SLC66A2: variants seen among roughly 807,000 people sequenced by gnomAD.
SLC66A2 encodes PQ loop repeat containing 1.
A neutral mutation model predicts 25.5 loss-of-function variants in SLC66A2; 23 were observed. The observed-to-expected ratio is 0.90, with a 90% CI of 0.65 to 1.28. The LOEUF (loss-of-function observed/expected upper bound fraction) is 1.28. Among genes scored for constraint, SLC66A2 ranks in the 50% most tolerant of loss-of-function variants. The pLI is 0.00. For missense variants in SLC66A2, 396 were observed against 373.1 expected (o/e 1.06, Z -0.51); for synonymous variants, 193 against 166.5 (o/e 1.16, Z -1.23).
rs531720098 is a variant in SLC66A2 at position 79,927,783 on chromosome 18, G to A, written c.391+6186C>T. Among the ~76,000 whole-genome samples, 4 of 152,154 alleles carry A rather than the reference G, an allele frequency of 2.6e-5. No homozygotes were observed. The highest frequency in any genetic ancestry group is 1.3e-4 in the Admixed American group (2 of 15,288). The stretch of plus-strand genomic sequence containing the variant: ...CCGGGAAACAAACACCCTCCCACTC[G>A]GCAAGGACAAATCAAGCAACTGCCG... On this transcript the variant is annotated intron_variant, in intron 4 of 5. Coordinates refer to ENST00000397778, the MANE Select transcript of SLC66A2 (RefSeq NM_025078.5). The surrounding 1 kb of genome is among the most constrained non-coding windows in gnomAD (Gnocchi z 6.2).
chr18:79,929,987 G>A (rs1488984593), intron 4 of SLC66A2, among the ~76,000 whole-genome samples: 3 of 152,114 alleles, frequency 2.0e-5, no homozygotes, highest in Non-Finnish European at 4.4e-5. Flanking sequence ...ACCGGCACAT[G>A]CAGAATGGGT....
intron 2 of SLC66A2, chr18:79,944,276 G>C (rs900508853): frequency 6.6e-6 from 1 of 152,642 alleles, no homozygotes; most frequent in African/African-American, 2.4e-5. Context: ...TGGGGAAGGC[G>C]GGGATAGTGT....
chr18:79,951,367 A>G (rs1445786006), intron 1 of SLC66A2, among the ~76,000 whole-genome samples: 1 of 86,924 alleles, frequency 1.2e-5, no homozygotes, highest in Non-Finnish European at 2.3e-5. Context: ...TGTTCGGGGG[A>G]GGGTCACAGG....
chr18:79,923,483 C>T (rs1306200574), intron 4 of SLC66A2, among the ~76,000 whole-genome samples: 1 of 152,046 alleles, frequency 6.6e-6, no homozygotes, highest in Non-Finnish European at 1.5e-5. Context: ...TTTTAGTTTC[C>T]CCAGGAAGGA....
chr18:79,943,415 A>G lies in SLC66A2; in HGVS notation c.251T>C (p.Met84Thr). 1.9e-6 allele frequency: 3 copies of G among 1,614,214 alleles called. No homozygotes were observed. The highest frequency in any genetic ancestry group is 2.5e-6 in the Non-Finnish European group (3 of 1,180,024). ...CAGCATCAGCAGCATGGTCAGGATC[A>G]TGATGGCGCTCTGCCACAGCAGCGG... ...ESPLLWQSAI[M>T]ILTMLLMLKL... Residue 84 changes from methionine (M) to threonine (T), a missense_variant, in exon 3 of 6, where the codon ATG becomes ACG. Met to Thr is a moderately conservative substitution (Grantham distance 81). Transcript: ENST00000397778.
At chr18:79,949,904 T>C in intron 2 of SLC66A2, 1 of 152,262 alleles carries the variant, frequency 6.6e-6, no homozygotes, top group Non-Finnish European at 1.5e-5. Flanking sequence ...CTGTGAGACC[T>C]CATTTCCTCT....
rs774648165 is a variant in SLC66A2, at chr18:79,919,299, T to C, written c.493A>G (p.Ile165Val). Residue 165 changes from isoleucine (I) to valine (V), a missense_variant, in exon 5 of 6, where the codon ATT (isoleucine) becomes GTT (valine). Transcript: ENST00000397778. ...GVAGYITYLSIDSALFVETLG... is the reference protein window; with the variant it reads ...GVAGYITYLSVDSALFVETLG... ...GTCTCCACAAACAGGGCGGAGTCAA[T>C]GGACAGGTAGGTGATGTAGCCCGCC... is the stretch of plus-strand genomic sequence containing the variant. 8.1e-6 allele frequency: 13 copies of C among 1,613,226 alleles called. No individual in the cohort carries two copies. The East Asian group carries it at 2.2e-4, about 28-fold the overall frequency.
chr18:79,936,185 CA>C (rs1157372385), intron 3 of SLC66A2, among the ~76,000 whole-genome samples: 1 of 152,152 alleles, frequency 6.6e-6, no homozygotes. Flanking sequence ...ATGGGGAGTG[CA>C]GGGGTGATAG....
At chr18:79,939,258 T>C (rs181065354) in intron 3 of SLC66A2, among the ~76,000 whole-genome samples, 310 of 150,604 alleles carry the variant, frequency 2.1e-3, no homozygotes, top group African/African-American at 7.2e-3. Context: ...CGTTTCCTCA[T>C]AAGTTATTTT....
At chr18:79,907,590 A>G (rs564339554) in intron 5 of SLC66A2, among the ~76,000 whole-genome samples, 2 of 152,116 alleles carry the variant, frequency 1.3e-5, no homozygotes, top group Non-Finnish European at 2.9e-5. Context: ...AGCTCAGCCA[A>G]TCCACCTACC....
intron 2 of SLC66A2, chr18:79,943,955 G>A (rs558691031): frequency 5.3e-5 from 9 of 171,356 alleles, no homozygotes; most frequent in South Asian, 1.3e-4. Flanking sequence ...GGCCCCAAGC[G>A]GCATCCCGGG....
chr18:79,933,842 A>G (rs941527754), intron 4 of SLC66A2, 127 bp downstream of exon 4: 3 of 770,142 alleles, frequency 3.9e-6, no homozygotes, highest in African/African-American at 3.5e-5. Flanking sequence ...TTTGCTGTAG[A>G]CTCGGCCACG....
intron 2 of SLC66A2, chr18:79,944,508 C>T (rs750019711): frequency 1.3e-5 from 2 of 152,398 alleles, no homozygotes; most frequent in Non-Finnish European, 2.9e-5. Context: ...AGGCCAATGA[C>T]TGGCAGTCTC....
At chr18:79,932,796 A>G (rs1322994776) in intron 4 of SLC66A2, among the ~76,000 whole-genome samples, 1 of 152,226 alleles carries the variant, frequency 6.6e-6, no homozygotes, top group Non-Finnish European at 1.5e-5. Context: ...ATAACAAGAG[A>G]TTGAATTCGT....
rs568277973 is a variant in SLC66A2 at position 79,917,460 on chromosome 18, G to A, written c.608+1724C>T. On this transcript the variant is annotated intron_variant, in intron 5 of 5. Coordinates refer to ENST00000397778, the MANE Select transcript of SLC66A2 (RefSeq NM_025078.5). The surrounding 1 kb of genome is among the most constrained non-coding windows in gnomAD (Gnocchi z 6.0). ...TGTGGTGATGCTCTGGAGGGCACAG[G>A]CCTGGCACCCAGGCACCTCCCACAG... is the stretch of plus-strand genomic sequence containing the variant. Among the ~76,000 whole-genome samples, 4 of 152,290 alleles carry A rather than the reference G, an allele frequency of 2.6e-5. No individual in the cohort carries two copies. In the East Asian group the frequency reaches 5.8e-4, roughly 22 times the overall value.
chr18:79,951,094 G>C, intron 1 of SLC66A2, 69 bp from the exon 2 acceptor site: 1 of 375,010 alleles, frequency 2.7e-6, no homozygotes, highest in Non-Finnish European at 4.4e-6. Context: ...GACCCGACCC[G>C]ACCCGCGCCA....
At position 79,919,572 on chromosome 18, in the gene SLC66A2, G is replaced by C. The variant is rs57785213; in HGVS notation, c.392-172C>G. Among the ~76,000 whole-genome samples, 116 of 25,738 alleles carry C rather than the reference G, an allele frequency of 4.5e-3. 3 individuals are homozygous for C. The highest frequency in any genetic ancestry group is 7.4e-3 in the African/African-American group (98 of 13,178). The allele number at this position is 25,738 out of a possible 152,430, so 16.9% of individuals were successfully genotyped here. A position where few individuals can be genotyped will look rare whatever the true frequency, so the allele number is the denominator to read the frequency against. On this transcript the variant is annotated intron_variant, in intron 4 of 5. Coordinates refer to ENST00000397778, the MANE Select transcript of SLC66A2 (RefSeq NM_025078.5). Reference sequence around the variant, plus strand: ...GACAGGAACCGAGGGAGAGGTCAAGGTCAGTGAGGAGAGACGGGAACCGAG... The same window carrying C: ...GACAGGAACCGAGGGAGAGGTCAAGCTCAGTGAGGAGAGACGGGAACCGAG...
At chr18:79,932,692 T>C (rs532554202) in intron 4 of SLC66A2, among the ~76,000 whole-genome samples, 2 of 152,206 alleles carry the variant, frequency 1.3e-5, no homozygotes, top group African/African-American at 2.4e-5. Context: ...AAAAATTATA[T>C]GTCAACAAAT....
Position 79,904,010 on chromosome 18 carries a change from T to C in SLC66A2, c.782A>G (p.His261Arg). Residue 261 changes from histidine to arginine, a missense_variant, in exon 6 of 6, where the codon CAC becomes CGC. His to Arg is a conservative substitution (Grantham distance 29). Transcript: ENST00000397778. The surrounding 1 kb of genome is among the most constrained non-coding windows in gnomAD (Gnocchi z 6.3). The stretch of plus-strand genomic sequence containing the variant: ...CTTGGTGCCAGTGGGGTGCACGGCG[T>C]GGGGCGCCGGCTTCTGGGGGTGGCG... ...FARHPQKPAPHAVHPTGTKAL is the reference protein window; with the variant it reads ...FARHPQKPAPRAVHPTGTKAL 2.5e-6 allele frequency: 4 copies of C among 1,605,670 alleles called. No individual in the cohort carries two copies. Among genetic ancestry groups the C allele is most frequent in the Non-Finnish European group, 3.4e-6 (4 of 1,177,068 alleles).
Sources: allele counts gnomAD v4.1 joint callset (sites outside exome capture counted in the v4.1 genomes callset), GRCh38; gene constraint gnomAD v4.1.1; non-coding constraint Gnocchi (gnomAD v3.1); transcripts MANE v1.5; gene names NCBI Gene and HGNC (gene_info 2026-07-23, HGNC 2026-07-21).